ARID1B: variants seen among roughly 807,000 people sequenced by gnomAD.
The protein encoded by ARID1B is AT-rich interaction domain 1B.
A neutral mutation model predicts 212.3 loss-of-function variants in ARID1B; 30 were observed. The observed-to-expected ratio is 0.14, with a 90% CI of 0.11 to 0.19. The LOEUF is 0.19. Among genes scored for constraint, ARID1B ranks in the 10% least tolerant of loss-of-function variants. ARID1B has a pLI of 1.00. For synonymous variants in ARID1B, 1,402 were observed against 1,301.7 expected, an observed-to-expected ratio of 1.08 and a Z score of -1.66; for missense variants, 2,891 against 3,204.0, an observed-to-expected ratio of 0.90 and a Z score of 2.36.
chr6:156,790,434 A>G (rs1779931364), intron 1 of ARID1B, among the ~76,000 whole-genome samples: 1 of 152,220 alleles, frequency 6.6e-6, no homozygotes, highest in South Asian at 2.1e-4. Flanking sequence ...TTAGTATTCC[A>G]TTTAATTAGA....
intron 2 of ARID1B, among the ~76,000 whole-genome samples, chr6:156,837,295 G>A (rs1783577888): frequency 6.6e-6 from 1 of 152,194 alleles, no homozygotes; most frequent in South Asian, 2.1e-4. Flanking sequence ...ACAAAAGGAA[G>A]CAAAGAGAGA....
intron 7 of ARID1B, among the ~76,000 whole-genome samples, chr6:157,145,505 C>T (rs958226243): frequency 3.9e-5 from 6 of 152,152 alleles, no homozygotes; most frequent in Non-Finnish European, 1.5e-5. Context: ...GCCTCCCGGA[C>T]AGCCAAATGA....
At chr6:156,796,728 T>C (rs1204587954) in intron 1 of ARID1B, among the ~76,000 whole-genome samples, 6 of 152,226 alleles carry the variant, frequency 3.9e-5, no homozygotes, top group Non-Finnish European at 7.3e-5. Context: ...TTTTGCCATA[T>C]TACAAGGACA....
chr6:156,842,126 CACATA>C (rs1783942919), intron 2 of ARID1B, among the ~76,000 whole-genome samples: 1 of 152,116 alleles, frequency 6.6e-6, no homozygotes, highest in African/African-American at 2.4e-5. Context: ...AGGGGAAATT[CACATA>C]ACATAAAATT....
chr6:157,057,787 A>T (rs1783062695), intron 4 of ARID1B, among the ~76,000 whole-genome samples: 1 of 152,316 alleles, frequency 6.6e-6, no homozygotes, highest in African/African-American at 2.4e-5. Context: ...TAAAATAGCC[A>T]TAAATATTTC....
intron 4 of ARID1B, among the ~76,000 whole-genome samples, chr6:157,028,794 C>T (rs953316832): frequency 2.0e-5 from 3 of 152,174 alleles, no homozygotes; most frequent in Non-Finnish European, 2.9e-5. Context: ...TGCCGCTATT[C>T]TTCTGTAGAA....
chr6:157,161,842 C>CATAACCCATGGCTTT (rs1348620097), intron 8 of ARID1B, among the ~76,000 whole-genome samples: 1 of 152,174 alleles, frequency 6.6e-6, no homozygotes, highest in African/African-American at 2.4e-5. Context: ...TTTCTGGCTT[C>CATAACCCATGGCTTT]ATAACCCAGC....
intron 1 of ARID1B, among the ~76,000 whole-genome samples, chr6:156,790,159 C>T (rs754599850): frequency 6.6e-6 from 1 of 152,046 alleles, no homozygotes; most frequent in Non-Finnish European, 1.5e-5. Context: ...TGTAGTTTGC[C>T]TGTTTTTTAA....
In ARID1B at chr6:157,198,799, G is replaced by A; in HGVS notation, c.4383-12G>A. On this transcript the variant is annotated splice_polypyrimidine_tract_variant and intron_variant, in intron 16 of 19. Coordinates refer to ENST00000636930, the MANE Select transcript of ARID1B (RefSeq NM_001374828.1). ...TTTCTCAGTTAAGTTTTCTTTGAAT[G>A]CCTCATTCCAGGCATGAACCTTATG... The A allele has an allele frequency of 1.2e-6, 2 of 1,600,356 alleles. No individual in the cohort carries two copies. The highest frequency in any genetic ancestry group is 1.7e-6 in the Non-Finnish European group (2 of 1,171,214).
intron 1 of ARID1B, among the ~76,000 whole-genome samples, chr6:156,806,873 C>A (rs1781197629): frequency 6.6e-6 from 1 of 152,238 alleles, no homozygotes; most frequent in African/African-American, 2.4e-5. Context: ...GCTGAAGTGT[C>A]CATAGACAAT....
At chr6:156,928,713 C>T (rs1791451596) in intron 3 of ARID1B, among the ~76,000 whole-genome samples, 1 of 152,208 alleles carries the variant, frequency 6.6e-6, no homozygotes. Flanking sequence ...CGGGCCCCTT[C>T]ACCTGGCTTG....
chr6:157,127,189 A>G (rs1788189038), intron 6 of ARID1B, among the ~76,000 whole-genome samples: 1 of 152,206 alleles, frequency 6.6e-6, no homozygotes, highest in South Asian at 2.1e-4. Flanking sequence ...ATAGACACCT[A>G]TAGCTGGAAG....
In ARID1B at chr6:157,144,673, C is replaced by T. The variant is rs190510642; in HGVS notation, c.2762-3951C>T. On this transcript the variant is annotated intron_variant, in intron 7 of 19. Transcript: ENST00000636930. ...CGTGAGGACTGGGACTCTGGGTAAG[C>T]GTGGGAAGAGGAAGGGCCCAGCAGC... Among the ~76,000 whole-genome samples the T allele has an allele frequency of 1.5e-3, 226 of 151,172 alleles. 1 individual carries two copies. The highest frequency in any genetic ancestry group is 1.5e-3 in the South Asian group (7 of 4,788).
At chr6:156,784,691 C>G (rs1287139895) in intron 1 of ARID1B, among the ~76,000 whole-genome samples, 1 of 152,216 alleles carries the variant, frequency 6.6e-6, no homozygotes, top group Non-Finnish European at 1.5e-5. Context: ...TAAGTTTTCA[C>G]TAAATATGTT....
At chr6:156,980,549 C>T (rs1483702530) in intron 4 of ARID1B, among the ~76,000 whole-genome samples, 3 of 152,080 alleles carry the variant, frequency 2.0e-5, no homozygotes, top group African/African-American at 7.2e-5. Context: ...AGTCAATGTG[C>T]CAGTCATTGG....
At chr6:157,166,946 C>T (rs2128289583) in intron 8 of ARID1B, 94 bp from the exon 9 acceptor site, 1 of 1,497,804 alleles carries the variant, frequency 6.7e-7, no homozygotes, top group Non-Finnish European at 8.9e-7. Flanking sequence ...AGCCCCACCC[C>T]TTACATAAAT....
chr6:156,835,171 C>T (rs570606850), intron 2 of ARID1B, among the ~76,000 whole-genome samples: 3 of 144,508 alleles, frequency 2.1e-5, no homozygotes, highest in Admixed American at 1.4e-4. Context: ...ACCCGGGAGG[C>T]GGAGCTTGCA....
At chr6:156,914,452 G>C (rs1790183227) in intron 3 of ARID1B, among the ~76,000 whole-genome samples, 2 of 152,148 alleles carry the variant, frequency 1.3e-5, no homozygotes. Context: ...CCCTCTCCTG[G>C]CTCTCTTCCT....
chr6:157,188,860 T>G (rs1371128693), intron 13 of ARID1B, among the ~76,000 whole-genome samples: 2 of 152,202 alleles, frequency 1.3e-5, no homozygotes, highest in Non-Finnish European at 1.5e-5. Context: ...CGTTTTTCCC[T>G]CAAGGTGAGG....
Sources: gnomAD v4.1 joint callset for allele counts (sites outside exome capture counted in the v4.1 genomes callset) on GRCh38, gnomAD v4.1.1 for gene constraint, MANE v1.5 for transcripts, NCBI Gene and HGNC (gene_info 2026-07-23, HGNC 2026-07-21) for gene names.